SZT2: variants seen among roughly 807,000 people sequenced by gnomAD.
SZT2 encodes the protein SZT2 subunit of KICSTOR complex.
Under a neutral mutation model 404.2 loss-of-function variants are expected in SZT2, and 216 were observed. The ratio of observed to expected loss-of-function variants is 0.53; its 90% CI spans 0.48 to 0.60. The LOEUF (loss-of-function observed/expected upper bound fraction) is 0.60. Ranked by LOEUF, SZT2 falls within the 20% of genes least tolerant of loss-of-function variation. SZT2 has a pLI of 0.00. For synonymous variants in SZT2, 1,693 were observed against 1,749.9 expected (o/e 0.97, Z 0.81); for missense variants, 3,857 against 4,459.2 (o/e 0.86, Z 3.85).
chr1:43,415,267 A>G (rs1651569670), intron 5 of SZT2, 54 bp downstream of exon 5: 16 of 1,589,386 alleles, frequency 1.0e-5, no homozygotes, highest in Non-Finnish European at 1.4e-5. Context: ...GCAGCTAAGG[A>G]CAGAGGGCAG....
At chr1:43,413,090 C>T (rs1034450101) in intron 4 of SZT2, among the ~76,000 whole-genome samples, 1 of 152,178 alleles carries the variant, frequency 6.6e-6, no homozygotes, top group Non-Finnish European at 1.5e-5. Context: ...CTATGAAGAA[C>T]AGTTTGGAGG....
At chr1:43,404,801 T>G (rs566710353) in intron 4 of SZT2, 17 of 383,346 alleles carry the variant, frequency 4.4e-5, no homozygotes, top group African/African-American at 2.5e-4. Flanking sequence ...TCACTGCTCC[T>G]GTAAATCTCT....
chr1:43,446,214 G>C lies in SZT2; in HGVS notation c.8952G>C (p.Gln2984His). The change falls in exon 64 of 72, where the codon CAG becomes CAC. Residue 2984 changes from glutamine to histidine, a missense_variant. This residue lies in a region of SZT2 where 717 missense variants were observed against 868.2 expected (regional missense o/e 0.83). Coordinates refer to ENST00000634258, the MANE Select transcript of SZT2 (RefSeq NM_001365999.1). ...CTCCGGTAACCACCTACCACCTGCA[G>C]CGGGCACTGCCTGGGGGCATCATCC... Reference protein sequence around the residue: ...TSSPVTTYHLQRALPGGIILM... With the variant: ...TSSPVTTYHLHRALPGGIILM... 6.2e-7 allele frequency: 1 copy of C among 1,614,236 alleles called. No individual in the cohort carries two copies. Among genetic ancestry groups the C allele is most frequent in the African/African-American group, 1.3e-5 (1 of 75,052 alleles).
At position 43,431,493 on chromosome 1, in the gene SZT2, C is replaced by T. The variant is rs1178456124; in HGVS notation, c.5058C>T (p.His1686=). 2 of 1,614,192 alleles carry T rather than the reference C, an allele frequency of 1.2e-6. No homozygotes were observed. The highest frequency in any genetic ancestry group is 1.7e-5 in the Admixed American group (1 of 60,024). ...GACTATCCAATTTGGCCACGCCCCA[C>T]AGACTGGCTATTGAGACCACCATGA... The part of the protein sequence containing the change: ...HPGLSNLATP[H]RLAIETTMNE... The change falls in exon 35 of 72, where the codon CAC becomes CAT. Residue 1686 remains histidine, a synonymous_variant. Coordinates refer to ENST00000634258, the MANE Select transcript of SZT2 (RefSeq NM_001365999.1).
At chr1:43,410,043 G>T (rs957065824) in intron 4 of SZT2, 1 of 152,122 alleles carries the variant, frequency 6.6e-6, no homozygotes, top group African/African-American at 2.4e-5. Flanking sequence ...AAAACAGCAT[G>T]GTACTGGCAT....
chr1:43,442,726 T>C lies in SZT2; in HGVS notation c.8152-93T>C. On this transcript the variant is annotated intron_variant, in intron 58 of 71. Coordinates refer to ENST00000634258, the MANE Select transcript of SZT2 (RefSeq NM_001365999.1). This position sits in a 1 kb window ranked among gnomAD's most constrained non-coding sequence, Gnocchi z 4.5. ...TGGGACAGACTGAGGGCAGAGGTAG[T>C]GGGGAGGGAGAGTCTGAGAGAGGAA... 1 of 1,534,646 alleles carries C rather than the reference T, an allele frequency of 6.5e-7. No homozygotes were observed. Among genetic ancestry groups the C allele is most frequent in the Middle Eastern group, 1.8e-4 (1 of 5,696 alleles).
intron 59 of SZT2, 33 bp from the exon 60 acceptor site, chr1:43,443,155 C>A: frequency 1.2e-6 from 2 of 1,613,904 alleles, no homozygotes; most frequent in Admixed American, 3.3e-5. Flanking sequence ...AGTGACAATG[C>A]CTGGGGCTAC....
At chr1:43,401,089 T>G (rs896406381) in intron 1 of SZT2, among the ~76,000 whole-genome samples, 2 of 152,008 alleles carry the variant, frequency 1.3e-5, no homozygotes, top group African/African-American at 2.4e-5. Context: ...GCCTGGCTAA[T>G]TTTTGTGTTT....
intron 5 of SZT2, 43 bp from the exon 6 acceptor site, chr1:43,415,917 A>G (rs756228421): frequency 6.4e-7 from 1 of 1,568,762 alleles, no homozygotes. Flanking sequence ...ATGGGGCAGC[A>G]ATGCCATCTG....
At position 43,439,313 on chromosome 1, in the gene SZT2, G is replaced by A. The variant is rs1654810365; in HGVS notation, c.6793-45G>A. The A allele has an allele frequency of 1.2e-6, 2 of 1,606,518 alleles. No individual in the cohort carries two copies. Among genetic ancestry groups the A allele is most frequent in the South Asian group, 1.1e-5 (1 of 90,768 alleles). ...GTGGGCACCCATCCCCGAGGGTTTT[G>A]TCCATTTGCTTGCTCTTAGTGCTCT... On this transcript the variant is annotated intron_variant, in intron 48 of 71. Transcript: ENST00000634258. This position sits in a 1 kb window ranked among gnomAD's most constrained non-coding sequence, Gnocchi z 4.2.
intron 1 of SZT2, 83 bp from the exon 2 acceptor site, chr1:43,403,094 G>C: frequency 1.3e-6 from 2 of 1,494,058 alleles, no homozygotes; most frequent in Non-Finnish European, 1.8e-6. Context: ...AGTTCCTTGG[G>C]CAAATTATTT....
intron 1 of SZT2, among the ~76,000 whole-genome samples, chr1:43,401,153 A>G (rs894074983): frequency 5.9e-5 from 9 of 151,966 alleles, no homozygotes; most frequent in African/African-American, 2.2e-4. Flanking sequence ...TTGAACTCCT[A>G]GGTGCAAACG....
Position 43,435,257 on chromosome 1 carries a change from G to A in SZT2, c.5962G>A (p.Glu1988Lys), listed in dbSNP as rs371226275. ...CGTGTGTAACTCTCTTCTGGTGGCC[G>A]AGAGTGAAGAAGATCTGTGGCGCAG... The part of the protein sequence containing the change: ...SHVCNSLLVA[E>K]SEEDLWRSET... Residue 1988 changes from glutamate to lysine, a missense_variant, in exon 42 of 72, where the codon GAG becomes AAG. Transcript: ENST00000634258. 9 of 1,614,094 alleles carry A rather than the reference G, an allele frequency of 5.6e-6. No homozygotes were observed. Among genetic ancestry groups the A allele is most frequent in the East Asian group, 2.2e-5 (1 of 44,904 alleles).
intron 66 of SZT2, among the ~76,000 whole-genome samples, 176 bp downstream of exon 66, chr1:43,447,344 G>A (rs931696077): frequency 5.3e-5 from 8 of 152,188 alleles, no homozygotes; most frequent in African/African-American, 1.9e-4. Context: ...CCAGAGTTTG[G>A]ACCCCATGTC....
At chr1:43,418,754 G>T (rs1199333455) in intron 7 of SZT2, among the ~76,000 whole-genome samples, 1 of 152,200 alleles carries the variant, frequency 6.6e-6, no homozygotes, top group African/African-American at 2.4e-5. Flanking sequence ...GGTCCAAGCT[G>T]GGTCGAGAAA....
intron 4 of SZT2, among the ~76,000 whole-genome samples, chr1:43,413,323 A>C (rs760259384): frequency 6.6e-6 from 1 of 152,220 alleles, no homozygotes; most frequent in East Asian, 1.9e-4. Context: ...CAGAGATTGC[A>C]GTGAGCCGAG....
intron 36 of SZT2, among the ~76,000 whole-genome samples, 176 bp downstream of exon 36, chr1:43,432,077 A>G (rs1234406221): frequency 6.6e-6 from 1 of 152,222 alleles, no homozygotes; most frequent in African/African-American, 2.4e-5. Flanking sequence ...CTCACTGGAA[A>G]GAAACCCAGC....
rs912126199 is a variant in SZT2 at position 43,431,563 on chromosome 1, C to G, written c.5088+40C>G. ...CCCAACACTGTAACTGATTCCCTTT[C>G]CATCGTATGAGTGAGATAAGGTACC... On this transcript the variant is annotated intron_variant, in intron 35 of 71. Coordinates refer to ENST00000634258, the MANE Select transcript of SZT2 (RefSeq NM_001365999.1). The G allele has an allele frequency of 1.9e-6, 3 of 1,612,448 alleles. No homozygotes were observed. In the South Asian group the frequency reaches 3.3e-5, roughly 18 times the overall value.
chr1:43,440,163 A>G, intron 51 of SZT2, 115 bp downstream of exon 51: 6 of 1,385,560 alleles, frequency 4.3e-6, no homozygotes, highest in South Asian at 4.0e-5. Context: ...GAGAACTACT[A>G]CATCAGAACC....
Sources: gnomAD v4.1 joint callset for allele counts (sites outside exome capture counted in the v4.1 genomes callset) on GRCh38, gnomAD v4.1.1 for gene constraint, gnomAD v4.1.1 regional missense constraint, Gnocchi (gnomAD v3.1) non-coding constraint, MANE v1.5 for transcripts, NCBI Gene and HGNC (gene_info 2026-07-23, HGNC 2026-07-21) for gene names.